The following MAML3 variants were observed in gnomAD, a reference collection of about 807,000 sequenced individuals.
MAML3 encodes mastermind like transcriptional coactivator 3.
In MAML3, 27 loss-of-function variants were observed where a neutral mutation model predicts 101.9. The ratio of observed to expected loss-of-function variants is 0.27; its 90% confidence interval spans 0.20 to 0.37. MAML3 has a LOEUF of 0.37. Ranked by LOEUF, MAML3 falls within the 10% of genes least tolerant of loss-of-function variation. MAML3 has a pLI of 1.00. For synonymous variants in MAML3, 501 were observed against 555.9 expected (o/e 0.90, Z 1.39); for missense variants, 1,316 against 1,444.9 (o/e 0.91, Z 1.45).
At chr4:140,060,365 CAAAAAAAA>C (rs70943471) in intron 1 of MAML3, among the ~76,000 whole-genome samples, 1 of 19,126 alleles carries the variant, frequency 5.2e-5, no homozygotes, top group Non-Finnish European at 9.3e-5. Context: ...GACTCTGTCT[CAAAAAAAA>C]AAAAAAAAAA....
chr4:139,837,941 A>G (rs761877454), intron 2 of MAML3, among the ~76,000 whole-genome samples: 1 of 151,908 alleles, frequency 6.6e-6, no homozygotes, highest in Non-Finnish European at 1.5e-5. Context: ...AGAAAAAAAT[A>G]TATACATATA....
At chr4:139,962,974 G>A (rs538455892) in intron 1 of MAML3, among the ~76,000 whole-genome samples, 1 of 152,064 alleles carries the variant, frequency 6.6e-6, no homozygotes, top group East Asian at 1.9e-4. Context: ...GAATAAAACT[G>A]ATTTTTTTTT....
chr4:140,152,109 T>C (rs1339294615), intron 1 of MAML3, among the ~76,000 whole-genome samples: 1 of 151,298 alleles, frequency 6.6e-6, no homozygotes, highest in Admixed American at 6.6e-5. Flanking sequence ...GCCGCTCCCC[T>C]CTTAACCCTC....
intron 1 of MAML3, among the ~76,000 whole-genome samples, chr4:139,983,634 T>C (rs1734484251): frequency 6.6e-6 from 1 of 152,204 alleles, no homozygotes; most frequent in Non-Finnish European, 1.5e-5. Context: ...ATGTCAACAC[T>C]CAAAAAGTTT....
At chr4:139,956,169 T>C (rs1733911365) in intron 1 of MAML3, among the ~76,000 whole-genome samples, 1 of 152,158 alleles carries the variant, frequency 6.6e-6, no homozygotes, top group South Asian at 2.1e-4. Context: ...GACTGTAAAA[T>C]GGGAACAATA....
At chr4:140,126,174 T>TAAAAAAAAA (rs542556461) in intron 1 of MAML3, among the ~76,000 whole-genome samples, 1 of 134,776 alleles carries the variant, frequency 7.4e-6, no homozygotes, top group African/African-American at 2.7e-5. Flanking sequence ...AAGCATTGTT[T>TAAAAAAAAA]AAAAAAAAAA....
intron 1 of MAML3, among the ~76,000 whole-genome samples, chr4:140,104,675 TGGA>T (rs1208261341): frequency 6.6e-6 from 1 of 150,984 alleles, no homozygotes; most frequent in East Asian, 2.0e-4. Context: ...GTGTTTTTTG[TGGA>T]GATGAGGTTT....
chr4:139,832,094 CTTTT>C (rs70943444), intron 2 of MAML3, among the ~76,000 whole-genome samples: 12 of 64,692 alleles, frequency 1.9e-4, no homozygotes, highest in South Asian at 1.9e-3. Context: ...TGCCCAGCCC[CTTTT>C]TTTTTTTTTT....
intron 1 of MAML3, among the ~76,000 whole-genome samples, chr4:139,988,640 A>G (rs1734598487): frequency 6.6e-6 from 1 of 152,224 alleles, no homozygotes; most frequent in Non-Finnish European, 1.5e-5. Context: ...CAACAGGGAC[A>G]GGAAGGGGCA....
At chr4:139,729,341 A>C (rs1471098674) in intron 3 of MAML3, among the ~76,000 whole-genome samples, 3 of 152,118 alleles carry the variant, frequency 2.0e-5, no homozygotes, top group Non-Finnish European at 4.4e-5. Flanking sequence ...AAATTCTGGC[A>C]GGGCGTGGTG....
intron 1 of MAML3, among the ~76,000 whole-genome samples, chr4:140,051,015 A>G (rs1303432240): frequency 6.6e-6 from 1 of 152,084 alleles, no homozygotes; most frequent in African/African-American, 2.4e-5. Flanking sequence ...CATCCCTTCT[A>G]CTCTATGCAT....
chr4:140,137,223 C>T (rs565693332), intron 1 of MAML3, among the ~76,000 whole-genome samples: 2 of 152,264 alleles, frequency 1.3e-5, no homozygotes, highest in East Asian at 3.9e-4. Context: ...CTCCTGACCT[C>T]GTGATCCGCC....
intron 3 of MAML3, among the ~76,000 whole-genome samples, chr4:139,726,933 C>T (rs1234260513): frequency 3.3e-5 from 5 of 152,282 alleles, no homozygotes; most frequent in Admixed American, 1.3e-4. Context: ...AAGTAGCTTG[C>T]GTGACCTTGG....
chr4:140,036,991 C>G (rs1726996317), intron 1 of MAML3, among the ~76,000 whole-genome samples: 1 of 152,124 alleles, frequency 6.6e-6, no homozygotes, highest in South Asian at 2.1e-4. Flanking sequence ...GAATTTATAT[C>G]AGACTGATAT....
intron 3 of MAML3, among the ~76,000 whole-genome samples, chr4:139,726,811 C>T (rs1728490594): frequency 6.6e-6 from 1 of 152,112 alleles, no homozygotes; most frequent in Admixed American, 6.5e-5. Flanking sequence ...AGTGTTGCTA[C>T]CAATATGCTG....
rs1726733826 is a variant in MAML3, at chr4:140,021,571, T to C, written c.469-130604A>G. Among the ~76,000 whole-genome samples, 2 of 152,198 alleles carry C rather than the reference T, an allele frequency of 1.3e-5. 1 individual carries two copies. Among genetic ancestry groups the C allele is most frequent in the South Asian group, 4.1e-4 (2 of 4,828 alleles). On this transcript the variant is annotated intron_variant, in intron 1 of 4. Transcript: ENST00000509479. ...GAAAAGTGGCAAAAATATCTACCCA[T>C]ATTCCTTACCTAATTTTTTTTCCTT...
chr4:139,816,335 G>C (rs1374126465), intron 2 of MAML3, among the ~76,000 whole-genome samples: 21 of 152,184 alleles, frequency 1.4e-4, no homozygotes. Context: ...GGGATAAAAT[G>C]GGCTGAAATC....
At chr4:139,927,217 C>T (rs549120087) in intron 1 of MAML3, among the ~76,000 whole-genome samples, 1 of 152,154 alleles carries the variant, frequency 6.6e-6, no homozygotes, top group Admixed American at 6.5e-5. Context: ...AGCCACCATA[C>T]CTGGCTTGTT....
chr4:139,725,063 G>A (rs1728410393), intron 4 of MAML3, among the ~76,000 whole-genome samples: 1 of 152,100 alleles, frequency 6.6e-6, no homozygotes, highest in African/African-American at 2.4e-5. Flanking sequence ...CCGGCCAAGG[G>A]CTCTCTCTAT....
Sources: allele counts gnomAD v4.1 joint callset (sites outside exome capture counted in the v4.1 genomes callset), GRCh38; gene constraint gnomAD v4.1.1; transcripts MANE v1.5; gene names NCBI Gene and HGNC (gene_info 2026-07-23, HGNC 2026-07-21).